COPG2: variants seen among roughly 807,000 people sequenced by gnomAD.
COPG2 encodes the protein coat protein complex I subunit gamma 2.
Under a neutral mutation model 46.3 loss-of-function variants are expected in COPG2, and 37 were observed. The ratio of observed to expected loss-of-function variants is 0.80; its 90% CI spans 0.61 to 1.05. The LOEUF (loss-of-function observed/expected upper bound fraction) is 1.05, where lower values mean the gene tolerates loss of function less well. Ranked by LOEUF, COPG2 falls within the 50% of genes least tolerant of loss-of-function variation. The probability of loss-of-function intolerance (pLI) is 0.00; values close to 1 mark genes in which losing one functional copy is unlikely to be tolerated. For missense variants in COPG2, 427 were observed against 387.8 expected, an observed-to-expected ratio of 1.10 and a Z score of -0.85; for synonymous variants, 159 against 129.7, an observed-to-expected ratio of 1.23 and a Z score of -1.53.
At chr7:130,551,120 G>A (rs1014049846) in intron 16 of COPG2, 121 bp downstream of exon 16, 5 of 392,846 alleles carry the variant, frequency 1.3e-5, no homozygotes, top group African/African-American at 8.3e-5. Context: ...AGAAATGGAA[G>A]TGCACTCAAA....
chr7:130,654,278 T>C (rs1795805392), intron 4 of COPG2, among the ~76,000 whole-genome samples: 1 of 151,822 alleles, frequency 6.6e-6, no homozygotes, highest in African/African-American at 2.4e-5. Context: ...AAGGACAAAA[T>C]AAAGAGAAAT....
intron 20 of COPG2, among the ~76,000 whole-genome samples, chr7:130,523,010 T>G (rs1038596116): frequency 6.7e-6 from 1 of 149,842 alleles, no homozygotes; most frequent in East Asian, 2.0e-4. Context: ...TCCCAGCTAC[T>G]TGGGAGGCTG....
chr7:130,604,527 G>A (rs1794694563), intron 9 of COPG2, among the ~76,000 whole-genome samples: 1 of 152,034 alleles, frequency 6.6e-6, no homozygotes, highest in Non-Finnish European at 1.5e-5. Context: ...TTCGGATATT[G>A]ACCAGCAACA....
chr7:130,565,462 G>C (rs1322724408), intron 9 of COPG2, among the ~76,000 whole-genome samples: 1 of 152,170 alleles, frequency 6.6e-6, no homozygotes, highest in Non-Finnish European at 1.5e-5. Context: ...GGGAAGGTCT[G>C]ATTACCAGTG....
rs906973044 is a variant in COPG2, at chr7:130,567,707, A to T, written c.738-3314T>A. 1.8e-4 allele frequency among the ~76,000 whole-genome samples: 27 copies of T among 152,328 alleles called. No individual in the cohort carries two copies. The South Asian group carries it at 5.6e-3, about 32-fold the overall frequency. On this transcript the variant is annotated intron_variant, in intron 9 of 23. Transcript: ENST00000425248. ...TCAGCCAAGAATTTTGTATCCAGTG[A>T]AACTAAGCTTCATAAATGAAGGAAA...
chr7:130,513,896 T>C (rs952806067), intron 20 of COPG2, among the ~76,000 whole-genome samples: 5 of 152,080 alleles, frequency 3.3e-5, no homozygotes, highest in Admixed American at 2.6e-4. Flanking sequence ...CATTTGAAGA[T>C]TGGCAGGTAT....
chr7:130,658,360 G>C (rs1304559217), intron 4 of COPG2, among the ~76,000 whole-genome samples: 2 of 152,156 alleles, frequency 1.3e-5, no homozygotes, highest in Non-Finnish European at 2.9e-5. Flanking sequence ...ACAGAAAGGA[G>C]ATAGATTGCC....
Position 130,564,326 on chromosome 7 carries a change from C to T in COPG2, c.805G>A (p.Glu269Lys). The T allele has an allele frequency of 2.5e-6, 1 of 398,588 alleles. No individual in the cohort carries two copies. The highest frequency in any genetic ancestry group is 4.4e-6 in the Non-Finnish European group (1 of 226,052). 24.7% of individuals were successfully genotyped at this position (398,588 alleles called of 1,614,324 possible). A position where few individuals can be genotyped will look rare whatever the true frequency, so the allele number is the denominator to read the frequency against. Reference protein sequence around the residue: ...LRNKHEMVIYEAASAIIHLPN... With the variant: ...LRNKHEMVIYKAASAIIHLPN... The stretch of plus-strand genomic sequence containing the variant: ...AGATGGATGATAGCTGAAGCAGCTT[C>T]ATAAATAACCATTTCATGTTTATTT... Residue 269 changes from glutamate to lysine, a missense_variant, in exon 10 of 24, where the codon GAA (glutamate) becomes AAA (lysine). By Grantham distance (56) the Glu-to-Lys change is moderately conservative. Coordinates refer to ENST00000425248, the MANE Select transcript of COPG2 (RefSeq NM_012133.6).
chr7:130,507,609 C>A, intron 22 of COPG2, 76 bp downstream of exon 22: 2 of 685,978 alleles, frequency 2.9e-6, no homozygotes, highest in South Asian at 3.4e-5. Flanking sequence ...TAAAGGAGTT[C>A]TTCTGGAGTA....
At chr7:130,527,030 C>T (rs919324700) in intron 20 of COPG2, among the ~76,000 whole-genome samples, 1 of 151,742 alleles carries the variant, frequency 6.6e-6, no homozygotes, top group African/African-American at 2.4e-5. Context: ...TACATGTTGA[C>T]TACTGGGGGT....
intron 9 of COPG2, among the ~76,000 whole-genome samples, chr7:130,568,930 A>T (rs1230220362): frequency 1.3e-5 from 2 of 152,230 alleles, no homozygotes; most frequent in Admixed American, 1.3e-4. Flanking sequence ...AGGCAAATAC[A>T]TGGAAATTAA....
Position 130,506,707 on chromosome 7 carries a change from G to T in COPG2, c.2585C>A (p.Pro862His). The part of the protein sequence containing the change: ...QVTVRSKERT[P>H]VDVILASVG ...AACAGAAGCTAAGATAACATCTACA[G>T]GTGTTCTCTCTTTACTTCTGACAGT... Residue 862 changes from proline to histidine, a missense_variant, in exon 24 of 24, where the codon CCT (proline) becomes CAT (histidine). Pro to His is a moderately conservative substitution (Grantham distance 77). Coordinates refer to ENST00000425248, the MANE Select transcript of COPG2 (RefSeq NM_012133.6). 3 of 780,390 alleles carry T rather than the reference G, an allele frequency of 3.8e-6. No individual in the cohort carries two copies. The highest frequency in any genetic ancestry group is 7.2e-6 in the Non-Finnish European group (3 of 417,664). 48.3% of individuals were successfully genotyped at this position (780,390 alleles called of 1,614,324 possible). A position where few individuals can be genotyped will look rare whatever the true frequency, so the allele number is the denominator to read the frequency against.
At chr7:130,541,194 A>G (rs1799933056) in intron 20 of COPG2, among the ~76,000 whole-genome samples, 1 of 152,160 alleles carries the variant, frequency 6.6e-6, no homozygotes, top group Non-Finnish European at 1.5e-5. Context: ...CCGAAAAGGC[A>G]CCGGGTACCC....
intron 21 of COPG2, chr7:130,508,119 AG>A: frequency 3.4e-6 from 1 of 298,198 alleles, no homozygotes; most frequent in Non-Finnish European, 6.2e-6. Context: ...TCATTCACTA[AG>A]AGGTTGATAT....
intron 9 of COPG2, among the ~76,000 whole-genome samples, chr7:130,580,112 A>C (rs1478004429): frequency 2.0e-5 from 3 of 151,990 alleles, no homozygotes; most frequent in African/African-American, 4.8e-5. Flanking sequence ...ACTCCTCAGC[A>C]AATGTAAAAG....
chr7:130,522,486 T>C (rs1312632773), intron 20 of COPG2, among the ~76,000 whole-genome samples: 5 of 152,042 alleles, frequency 3.3e-5, no homozygotes, highest in African/African-American at 1.2e-4. Flanking sequence ...ATCAGGCCGA[T>C]ACGAAGGGGG....
At chr7:130,667,106 T>C (rs1796100091) in intron 2 of COPG2, among the ~76,000 whole-genome samples, 177 bp from the exon 3 acceptor site, 2 of 152,238 alleles carry the variant, frequency 1.3e-5, no homozygotes, top group African/African-American at 2.4e-5. Context: ...TTCCATCCTA[T>C]ACTTTCTCAT....
chr7:130,610,157 G>A, intron 9 of COPG2: 1 of 511,456 alleles, frequency 2.0e-6, no homozygotes, highest in Non-Finnish European at 3.9e-6. Context: ...TTATAAAGGT[G>A]CAGTAGACAC....
intron 5 of COPG2, among the ~76,000 whole-genome samples, chr7:130,627,624 A>G (rs1584590205): frequency 6.6e-6 from 1 of 152,048 alleles, no homozygotes; most frequent in African/African-American, 2.4e-5. Flanking sequence ...TCTTCATGAC[A>G]CCAGCCCCAG....
Sources: allele counts gnomAD v4.1 joint callset (sites outside exome capture counted in the v4.1 genomes callset), GRCh38; gene constraint gnomAD v4.1.1; transcripts MANE v1.5; gene names NCBI Gene and HGNC (gene_info 2026-07-23, HGNC 2026-07-21).